The following ITCH variants were observed in gnomAD, a reference collection of about 807,000 sequenced individuals.
ITCH encodes the protein itchy E3 ubiquitin protein ligase.
In ITCH, 28 loss-of-function variants were observed where a neutral mutation model predicts 126.8. The observed-to-expected ratio is 0.22, with a 90% CI of 0.16 to 0.30. The LOEUF (loss-of-function observed/expected upper bound fraction) is 0.30, where lower values mean the gene tolerates loss of function less well. ITCH is among the 10% of genes least tolerant of loss of function. ITCH has a pLI of 1.00. For missense variants in ITCH, 631 were observed against 1,032.4 expected (o/e 0.61, Z 5.33); for synonymous variants, 342 against 340.0 (o/e 1.01, Z -0.06).
At chr20:34,445,854 T>G (rs1190836877) in intron 11 of ITCH, among the ~76,000 whole-genome samples, 1 of 152,184 alleles carries the variant, frequency 6.6e-6, no homozygotes, top group Non-Finnish European at 1.5e-5. Context: ...GATAAGAGTT[T>G]AACCACTTTT....
intron 7 of ITCH, among the ~76,000 whole-genome samples, chr20:34,435,928 T>C (rs370929210): frequency 2.0e-5 from 3 of 152,286 alleles, no homozygotes; most frequent in Admixed American, 6.5e-5. Context: ...TAGGAAGTTG[T>C]AGTTAGAGGG....
At chr20:34,402,227 T>G in intron 3 of ITCH, 5 of 1,423,472 alleles carry the variant, frequency 3.5e-6, no homozygotes, top group Non-Finnish European at 5.0e-6. Context: ...ATACATTCTT[T>G]AGGCCTTTCT....
intron 3 of ITCH, among the ~76,000 whole-genome samples, chr20:34,394,926 C>T (rs1190353902): frequency 6.6e-6 from 1 of 151,814 alleles, no homozygotes; most frequent in African/African-American, 2.4e-5. Context: ...TCTCCAGGTC[C>T]AGGTCTGTTA....
intron 3 of ITCH, among the ~76,000 whole-genome samples, chr20:34,394,176 C>G (rs900080155): frequency 2.2e-5 from 3 of 138,198 alleles, no homozygotes; most frequent in African/African-American, 8.3e-5. Flanking sequence ...TGCGCCACTG[C>G]ACCCCAGCCT....
At chr20:34,445,757 A>G (rs1197996828) in intron 11 of ITCH, among the ~76,000 whole-genome samples, 1 of 152,222 alleles carries the variant, frequency 6.6e-6, no homozygotes, top group Non-Finnish European at 1.5e-5. Context: ...AAACCCAAGC[A>G]GCTTGAAAAT....
chr20:34,498,519 G>T (rs1296571047), intron 23 of ITCH, among the ~76,000 whole-genome samples: 8 of 152,112 alleles, frequency 5.3e-5, no homozygotes, highest in Admixed American at 5.2e-4. Flanking sequence ...TGCCTAACTT[G>T]TTGAGAGTTT....
At chr20:34,491,800 C>A (rs1028455078) in intron 22 of ITCH, among the ~76,000 whole-genome samples, 6 of 152,102 alleles carry the variant, frequency 3.9e-5, no homozygotes, top group African/African-American at 1.2e-4. Context: ...GAAATAAAAA[C>A]CACATAATTC....
chr20:34,492,346 A>G (rs922832448), intron 22 of ITCH, among the ~76,000 whole-genome samples, 155 bp from the exon 23 acceptor site: 1 of 152,194 alleles, frequency 6.6e-6, no homozygotes, highest in Non-Finnish European at 1.5e-5. Context: ...GCAATCAGCT[A>G]TGATTGCATC....
At chr20:34,448,154 C>G (rs1431808021) in intron 11 of ITCH, among the ~76,000 whole-genome samples, 1 of 152,170 alleles carries the variant, frequency 6.6e-6, no homozygotes. Context: ...CTTTGGGAGG[C>G]CGAGGCGGGT....
At chr20:34,371,279 CTTTTTTT>C (rs770951963) in intron 2 of ITCH, among the ~76,000 whole-genome samples, 19 of 118,456 alleles carry the variant, frequency 1.6e-4, no homozygotes, top group East Asian at 4.8e-4. Context: ...ATCACTTCTT[CTTTTTTT>C]TTTTTTTTTT....
rs1022177755 is a variant in ITCH, at chr20:34,442,449, GAA to G, written c.965+147_965+148del. 4.5e-6 allele frequency: 3 copies of G among 665,642 alleles called. No homozygotes were observed. The Admixed American group carries it at 7.7e-5, about 17-fold the overall frequency. 41.2% of individuals were successfully genotyped at this position (665,642 alleles called of 1,614,324 possible). On this transcript the variant is annotated intron_variant, in intron 10 of 24. Coordinates refer to ENST00000374864, the MANE Select transcript of ITCH (RefSeq NM_031483.7). Reference sequence around the variant, plus strand: ...TTTTGTGGTAAGTACAAATTAAAAAGAAGAGAGCTAGACAACTGATTAATTCA... The same window carrying G: ...TTTTGTGGTAAGTACAAATTAAAAAGGAGAGCTAGACAACTGATTAATTCA...
chr20:34,373,997 G>A (rs1055852383), intron 2 of ITCH, among the ~76,000 whole-genome samples: 23 of 151,886 alleles, frequency 1.5e-4, no homozygotes, highest in African/African-American at 5.6e-4. Context: ...CGATTCCCCT[G>A]CCTCAGCCTC....
intron 23 of ITCH, among the ~76,000 whole-genome samples, chr20:34,494,548 T>G (rs905448027): frequency 1.3e-4 from 20 of 152,248 alleles, no homozygotes; most frequent in African/African-American, 4.8e-4. Flanking sequence ...CAGTTTTTAT[T>G]TTGATACATG....
At chr20:34,484,755 G>A (rs1263480804) in intron 20 of ITCH, among the ~76,000 whole-genome samples, 1 of 152,158 alleles carries the variant, frequency 6.6e-6, no homozygotes, top group Non-Finnish European at 1.5e-5. Context: ...TGTAGAAGTT[G>A]AAATTTGACA....
In ITCH at chr20:34,413,775, G is replaced by T. The variant is rs1979399025; in HGVS notation, c.371G>T (p.Gly124Val). 1 of 1,612,260 alleles carries T rather than the reference G, an allele frequency of 6.2e-7. No homozygotes were observed. ...EEVVVTLQLG[G>V]DKEPTETIGD... ...GTAGTTGTGACTTTGCAGCTTGGAG[G>T]TGACAAAGAGCCAACAGAGACAATA... The change falls in exon 6 of 25, where the codon GGT (glycine) becomes GTT (valine). Residue 124 changes from glycine to valine, a missense_variant. Transcript: ENST00000374864.
chr20:34,374,988 G>A (rs924277459), intron 2 of ITCH, among the ~76,000 whole-genome samples: 4 of 151,386 alleles, frequency 2.6e-5, no homozygotes, highest in African/African-American at 7.3e-5. Flanking sequence ...TGATCCACCC[G>A]CCTCGGCCTC....
At chr20:34,365,642 C>G (rs2037394211) in intron 1 of ITCH, among the ~76,000 whole-genome samples, 1 of 152,188 alleles carries the variant, frequency 6.6e-6, no homozygotes, top group African/African-American at 2.4e-5. Context: ...CTCTCGAACT[C>G]CTGACCTCGT....
chr20:34,415,016 CCTACTGTTTT>C (rs1979634067), intron 6 of ITCH, among the ~76,000 whole-genome samples: 1 of 152,146 alleles, frequency 6.6e-6, no homozygotes, highest in Admixed American at 6.5e-5. Flanking sequence ...AGAACTTTTT[CCTACTGTTTT>C]CCCATCAGAT....
At chr20:34,379,992 G>A (rs1406112355) in intron 2 of ITCH, among the ~76,000 whole-genome samples, 2 of 149,240 alleles carry the variant, frequency 1.3e-5, no homozygotes, top group Non-Finnish European at 3.0e-5. Flanking sequence ...CGCCTCCCAG[G>A]TTCAAGCAAT....
Sources: allele counts gnomAD v4.1 joint callset (sites outside exome capture counted in the v4.1 genomes callset), GRCh38; gene constraint gnomAD v4.1.1; transcripts MANE v1.5; gene names NCBI Gene and HGNC (gene_info 2026-07-23, HGNC 2026-07-21).